Variants in TPTE observed in about 807,000 individuals in gnomAD.
TPTE encodes the protein transmembrane phosphatase with tensin homology, also known as putative tyrosine-protein phosphatase TPTE.
Under a neutral mutation model 84.1 loss-of-function variants are expected in TPTE, and 59 were observed. The observed-to-expected ratio is 0.70, with a 90% CI of 0.57 to 0.87. TPTE has a LOEUF of 0.87. TPTE is among the 40% of genes least tolerant of loss of function. TPTE has a pLI of 0.00. For synonymous variants in TPTE, 130 were observed against 223.5 expected (o/e 0.58, Z 3.73); for missense variants, 382 against 659.6 (o/e 0.58, Z 4.61).
intron 3 of TPTE, among the ~76,000 whole-genome samples, chr21:10,528,894 A>C (rs2074128337): frequency 6.6e-6 from 1 of 152,310 alleles, no homozygotes. Flanking sequence ...TGTTTGTCAA[A>C]AGTGTTTTCT....
chr21:10,574,486 T>C (rs1485365585), intron 14 of TPTE, among the ~76,000 whole-genome samples: 1 of 152,310 alleles, frequency 6.6e-6, no homozygotes, highest in Non-Finnish European at 1.5e-5. Context: ...AAAAAAGAAA[T>C]GTTTAGAGTG....
chr21:10,592,276 T>C lies in TPTE; in HGVS notation c.1090-17T>C. 1 of 1,612,970 alleles carries C rather than the reference T, an allele frequency of 6.2e-7. No individual in the cohort carries two copies. The highest frequency in any genetic ancestry group is 1.1e-5 in the South Asian group (1 of 91,072). The stretch of plus-strand genomic sequence containing the variant: ...GAGTGCAGATGAACCATGGTTGGAT[T>C]GTACCCTTTTTTGTAGGAAAGCCTG... On this transcript the variant is annotated splice_polypyrimidine_tract_variant and intron_variant, in intron 18 of 23. Coordinates refer to ENST00000618007, the MANE Select transcript of TPTE (RefSeq NM_199261.4).
intron 10 of TPTE, among the ~76,000 whole-genome samples, chr21:10,562,854 A>G (rs2145681696): frequency 6.6e-6 from 1 of 152,426 alleles, no homozygotes; most frequent in East Asian, 1.9e-4. Flanking sequence ...AAGGGATGGT[A>G]ACAGAACATC....
At chr21:10,597,113 G>T (rs542385254) in intron 20 of TPTE, among the ~76,000 whole-genome samples, 1 of 152,306 alleles carries the variant, frequency 6.6e-6, no homozygotes, top group South Asian at 2.1e-4. Context: ...AAATTAATTG[G>T]CTGAGAAACC....
At chr21:10,543,793 C>T (rs1189710085) in intron 7 of TPTE, among the ~76,000 whole-genome samples, 2 of 152,304 alleles carry the variant, frequency 1.3e-5, no homozygotes, top group African/African-American at 4.8e-5. Context: ...GAGACCCTAC[C>T]ATAGTGTTCC....
At chr21:10,589,801 C>G (rs1169877756) in intron 17 of TPTE, among the ~76,000 whole-genome samples, 1 of 152,310 alleles carries the variant, frequency 6.6e-6, no homozygotes, top group Admixed American at 6.5e-5. Context: ...TCCCCAGGAT[C>G]TGGGATGTCC....
At chr21:10,550,281 A>G (rs2074548538) in intron 7 of TPTE, among the ~76,000 whole-genome samples, 1 of 152,306 alleles carries the variant, frequency 6.6e-6, no homozygotes, top group African/African-American at 2.4e-5. Context: ...CATGAAGGAT[A>G]TAGACTTACT....
At chr21:10,552,029 G>A (rs1029816144) in intron 7 of TPTE, among the ~76,000 whole-genome samples, 1 of 152,304 alleles carries the variant, frequency 6.6e-6, no homozygotes, top group African/African-American at 2.4e-5. Flanking sequence ...TTAAGAAATT[G>A]TCTCAGCCAC....
Position 10,597,945 on chromosome 21 carries a change from G to C in TPTE, c.1277-70G>C, listed in dbSNP as rs866268777. On this transcript the variant is annotated intron_variant, in intron 20 of 23. Transcript: ENST00000618007. ...ATTTTTTCTCATTTTAATCCATGATGTTAATTGGTGAGACATATTGATGTT... is the reference window on the plus strand; with the variant it reads ...ATTTTTTCTCATTTTAATCCATGATCTTAATTGGTGAGACATATTGATGTT... The C allele has an allele frequency of 3.4e-4, 525 of 1,564,088 alleles. No individual in the cohort carries two copies. In the African/African-American group the frequency reaches 6.5e-3, roughly 19 times the overall value.
At chr21:10,554,558 T>G (rs1479795586) in intron 8 of TPTE, among the ~76,000 whole-genome samples, 3 of 152,302 alleles carry the variant, frequency 2.0e-5, no homozygotes. Flanking sequence ...ACTGAAAAGT[T>G]AAATCTATTG....
At chr21:10,561,978 A>G (rs2074814619) in intron 10 of TPTE, among the ~76,000 whole-genome samples, 1 of 152,304 alleles carries the variant, frequency 6.6e-6, no homozygotes. Context: ...CAGTCACAGT[A>G]GTGGTGGCCA....
intron 23 of TPTE, among the ~76,000 whole-genome samples, chr21:10,605,182 T>C (rs1403606066): frequency 1.3e-5 from 2 of 152,308 alleles, no homozygotes; most frequent in African/African-American, 4.8e-5. Flanking sequence ...ATTAATTCCA[T>C]ATAAAGCAAT....
chr21:10,555,114 GTCAT>G (rs1192600004), intron 8 of TPTE, among the ~76,000 whole-genome samples: 7 of 152,418 alleles, frequency 4.6e-5, no homozygotes, highest in Non-Finnish European at 7.3e-5. Context: ...TAAAAAATGA[GTCAT>G]TCATGTTCAT....
Position 10,562,965 on chromosome 21 carries a change from C to T in TPTE, c.446+1774C>T, listed in dbSNP as rs571176822. 4.6e-5 allele frequency among the ~76,000 whole-genome samples: 7 copies of T among 152,424 alleles called. No homozygotes were observed. In the East Asian group the frequency reaches 1.3e-3, roughly 29 times the overall value. On this transcript the variant is annotated intron_variant, in intron 10 of 23. Transcript: ENST00000618007. Reference sequence around the variant, plus strand: ...ACTACCTCAAGGCATTTAATAATCACAGTCCCAAAGATCAAGGATAAAAAA... The same window carrying T: ...ACTACCTCAAGGCATTTAATAATCATAGTCCCAAAGATCAAGGATAAAAAA...
chr21:10,564,825 A>G (rs1439457153), intron 10 of TPTE, among the ~76,000 whole-genome samples: 6 of 152,300 alleles, frequency 3.9e-5, no homozygotes, highest in African/African-American at 1.4e-4. Context: ...CACCCTAAAA[A>G]AACTGGGTAT....
At chr21:10,548,276 C>T (rs1257377589) in intron 7 of TPTE, among the ~76,000 whole-genome samples, 4 of 152,310 alleles carry the variant, frequency 2.6e-5, no homozygotes, top group Non-Finnish European at 4.4e-5. Flanking sequence ...CCACCCCACA[C>T]AGAAACACTC....
chr21:10,596,647 G>T (rs1357970956), intron 20 of TPTE, among the ~76,000 whole-genome samples: 1 of 152,306 alleles, frequency 6.6e-6, no homozygotes, highest in African/African-American at 2.4e-5. Context: ...GGAAGGGATG[G>T]GGCCTCACCA....
intron 3 of TPTE, among the ~76,000 whole-genome samples, chr21:10,536,824 G>A (rs1310303477): frequency 6.6e-6 from 1 of 152,312 alleles, no homozygotes; most frequent in Non-Finnish European, 1.5e-5. Flanking sequence ...ACATACTTAG[G>A]AAAGTCAGAT....
intron 19 of TPTE, among the ~76,000 whole-genome samples, chr21:10,593,267 C>G (rs1383222058): frequency 9.2e-5 from 14 of 152,268 alleles, no homozygotes; most frequent in Non-Finnish European, 2.1e-4. Context: ...ACTCTTAAAA[C>G]AACAAGAAAA....
Sources: gnomAD v4.1 joint callset for allele counts (sites outside exome capture counted in the v4.1 genomes callset) on GRCh38, gnomAD v4.1.1 for gene constraint, MANE v1.5 for transcripts, NCBI Gene and HGNC (gene_info 2026-07-23, HGNC 2026-07-21) for gene names.